PRKN: variants seen among roughly 807,000 people sequenced by gnomAD.
PRKN encodes the protein E3 ubiquitin-protein ligase parkin.
PRKN carries 56 observed loss-of-function variants against 59.5 expected under a neutral mutation model. The ratio of observed to expected loss-of-function variants is 0.94; its 90% CI spans 0.76 to 1.18. The LOEUF is 1.18. Ranked by LOEUF, PRKN falls within the 50% of genes most tolerant of loss-of-function variation. The pLI is 0.00. For missense variants in PRKN, 657 were observed against 596.4 expected (o/e 1.10, Z -1.06); for synonymous variants, 250 against 222.1 (o/e 1.13, Z -1.12).
chr6:161,698,458 T>C (rs941971884), intron 7 of PRKN, among the ~76,000 whole-genome samples: 1 of 152,130 alleles, frequency 6.6e-6, no homozygotes. Context: ...TTTGGAGAAA[T>C]TGATCAACTG....
At chr6:161,618,170 G>A (rs753952471) in intron 7 of PRKN, among the ~76,000 whole-genome samples, 2 of 152,066 alleles carry the variant, frequency 1.3e-5, no homozygotes, top group African/African-American at 2.4e-5. Flanking sequence ...TTTTCCTATC[G>A]TACATGAAGT....
chr6:162,367,364 C>T (rs1051340476), intron 2 of PRKN, among the ~76,000 whole-genome samples: 3 of 151,996 alleles, frequency 2.0e-5, no homozygotes, highest in African/African-American at 7.2e-5. Context: ...ACTGTTTTTT[C>T]GCTTATGCTA....
chr6:162,522,025 T>C (rs1004905988), intron 1 of PRKN, among the ~76,000 whole-genome samples: 3 of 152,262 alleles, frequency 2.0e-5, no homozygotes, highest in African/African-American at 7.2e-5. Flanking sequence ...TTATTCGATG[T>C]CCCCAGTTAA....
intron 7 of PRKN, among the ~76,000 whole-genome samples, chr6:161,693,972 C>A (rs1004372337): frequency 6.6e-6 from 1 of 152,160 alleles, no homozygotes; most frequent in Non-Finnish European, 1.5e-5. Context: ...TGTAAATGTC[C>A]TTGTACTTCA....
chr6:161,983,849 A>G (rs1781335516), intron 5 of PRKN, among the ~76,000 whole-genome samples: 1 of 142,688 alleles, frequency 7.0e-6, no homozygotes, highest in Non-Finnish European at 1.5e-5. Context: ...CGGCACATGT[A>G]TACATATGTA....
At chr6:162,101,108 T>C (rs1196242589) in intron 4 of PRKN, among the ~76,000 whole-genome samples, 1 of 152,088 alleles carries the variant, frequency 6.6e-6, no homozygotes, top group Non-Finnish European at 1.5e-5. Flanking sequence ...TATTTTCCCT[T>C]TTGTTGCTTG....
Position 162,443,473 on chromosome 6 carries a change from A to C in PRKN, c.8T>G (p.Val3Gly). Residue 3 changes from valine to glycine, a missense_variant and splice_region_variant, in exon 2 of 12, where the codon GTG (valine) becomes GGG (glycine). Physicochemically the swap from Val to Gly is moderately radical, Grantham distance 109. Transcript: ENST00000366898. MI[V>G]FVRFNSSHGF... ...ATGGCTGGAGTTGAACCTGACAAAC[A>C]CTGACCAAGGAAATTGGAAGGGAGA... 6.2e-7 allele frequency: 1 copy of C among 1,614,028 alleles called. No homozygotes were observed. Among genetic ancestry groups the C allele is most frequent in the South Asian group, 1.1e-5 (1 of 91,072 alleles).
intron 1 of PRKN, among the ~76,000 whole-genome samples, chr6:162,554,533 G>T (rs546866306): frequency 6.6e-6 from 1 of 151,786 alleles, no homozygotes; most frequent in Non-Finnish European, 1.5e-5. Flanking sequence ...AAAAGAAAAC[G>T]GACAGAATTT....
rs57908717 is a variant in PRKN at position 161,550,738 on chromosome 6, C to CGTGT, written c.934-1739_934-1736dup. ...AAGAAAGGGTATGTGTGTGTGTGCA[C>CGTGT]GTGTGTGTGTGTGTGTGTGTGTGTA... On this transcript the variant is annotated intron_variant, in intron 8 of 11. Coordinates refer to ENST00000366898, the MANE Select transcript of PRKN (RefSeq NM_004562.3). This position sits in a 1 kb window ranked among gnomAD's most constrained non-coding sequence, Gnocchi z 4.0. 0.18 allele frequency among the ~76,000 whole-genome samples: 26,448 copies of CGTGT among 146,178 alleles called. 3,041 individuals are homozygous for CGTGT. The highest frequency in any genetic ancestry group is 0.53 in the East Asian group (2,624 of 4,980).
intron 1 of PRKN, among the ~76,000 whole-genome samples, chr6:162,488,379 C>A: frequency 6.6e-6 from 1 of 152,142 alleles, no homozygotes; most frequent in East Asian, 1.9e-4. Context: ...GCAAGTGCCA[C>A]CAGTGTGGAT....
At chr6:161,869,112 C>T (rs1225309319) in intron 6 of PRKN, among the ~76,000 whole-genome samples, 1 of 152,186 alleles carries the variant, frequency 6.6e-6, no homozygotes, top group African/African-American at 2.4e-5. Flanking sequence ...GGCGCGATGG[C>T]TTATGCCTGT....
At chr6:161,784,824 T>C (rs769474884) in intron 7 of PRKN, among the ~76,000 whole-genome samples, 26 of 152,150 alleles carry the variant, frequency 1.7e-4, no homozygotes, top group Non-Finnish European at 3.4e-4. Flanking sequence ...ACAACGGCAT[T>C]ATTCATAATA....
rs1248471572 is a variant in PRKN, at chr6:162,010,210, T to C, written c.619-36793A>G. ...CTTTGGAACAAATTTCTGATATATA[T>C]ATTATATATACATAATATATATTTT... On this transcript the variant is annotated intron_variant, in intron 5 of 11. Coordinates refer to ENST00000366898, the MANE Select transcript of PRKN (RefSeq NM_004562.3). Among the ~76,000 whole-genome samples the C allele has an allele frequency of 2.9e-5, 4 of 137,496 alleles. No homozygotes were observed. The East Asian group carries it at 8.1e-4, about 28-fold the overall frequency. 90.2% of individuals were successfully genotyped at this position (137,496 alleles called of 152,430 possible). A position where few individuals can be genotyped will look rare whatever the true frequency, so the allele number is the denominator to read the frequency against.
intron 2 of PRKN, among the ~76,000 whole-genome samples, chr6:162,339,499 C>T (rs1246685498): frequency 2.1e-5 from 3 of 139,598 alleles, no homozygotes; most frequent in Non-Finnish European, 3.2e-5. Flanking sequence ...CCAGCCGCCC[C>T]GTCCGGGAGG....
intron 2 of PRKN, among the ~76,000 whole-genome samples, chr6:162,321,422 G>A (rs1174044604): frequency 2.0e-5 from 3 of 151,834 alleles, no homozygotes; most frequent in Non-Finnish European, 1.5e-5. Flanking sequence ...AGGCCCAGAT[G>A]TCTTCACTAA....
In PRKN at chr6:161,762,515, C is replaced by T. The variant is rs147445956; in HGVS notation, c.871+23257G>A. Among the ~76,000 whole-genome samples, 1,129 of 152,168 alleles carry T rather than the reference C, an allele frequency of 7.4e-3. 10 individuals are homozygous for T. Among genetic ancestry groups the T allele is most frequent in the African/African-American group, 0.025 (1,033 of 41,488 alleles). On this transcript the variant is annotated intron_variant, in intron 7 of 11. Coordinates refer to ENST00000366898, the MANE Select transcript of PRKN (RefSeq NM_004562.3). The stretch of plus-strand genomic sequence containing the variant: ...GGCTGTGCAATGGACATTTCTATGA[C>T]GGTGGAAATACTCTATGCCTGAACT...
intron 1 of PRKN, among the ~76,000 whole-genome samples, chr6:162,615,265 A>AT (rs922180858): frequency 5.3e-5 from 8 of 151,992 alleles, no homozygotes; most frequent in East Asian, 1.9e-4. Flanking sequence ...GTTTTGGCTT[A>AT]TTTTTTTTGA....
chr6:161,860,129 G>A (rs931201840), intron 6 of PRKN, among the ~76,000 whole-genome samples: 9 of 152,086 alleles, frequency 5.9e-5, no homozygotes, highest in South Asian at 4.2e-4. Context: ...TTATCATTAA[G>A]AAAATATTAA....
At chr6:161,485,173 T>G (rs1791592896) in intron 9 of PRKN, among the ~76,000 whole-genome samples, 1 of 152,218 alleles carries the variant, frequency 6.6e-6, no homozygotes, top group Non-Finnish European at 1.5e-5. Context: ...GAGCCAGTCA[T>G]TCAGATGACT....
Sources: allele counts gnomAD v4.1 joint callset (sites outside exome capture counted in the v4.1 genomes callset), GRCh38; gene constraint gnomAD v4.1.1; non-coding constraint Gnocchi (gnomAD v3.1); transcripts MANE v1.5; gene names NCBI Gene and HGNC (gene_info 2026-07-23, HGNC 2026-07-21).